DOCK1: variants seen among roughly 807,000 people sequenced by gnomAD.
DOCK1 encodes the protein dedicator of cytokinesis protein 1.
Under a neutral mutation model 262.7 loss-of-function variants are expected in DOCK1, and 138 were observed. The observed-to-expected ratio is 0.53, with a 90% CI of 0.46 to 0.61. DOCK1 has a LOEUF of 0.61. Ranked by LOEUF, DOCK1 falls within the 20% of genes least tolerant of loss-of-function variation. The pLI is 0.00. For missense variants in DOCK1, 1,908 were observed against 2,370.7 expected (o/e 0.80, Z 4.05); for synonymous variants, 866 against 867.4 (o/e 1.00, Z 0.03).
intron 4 of DOCK1, among the ~76,000 whole-genome samples, chr10:126,985,901 A>G (rs2039346414): frequency 6.6e-6 from 1 of 151,940 alleles, no homozygotes; most frequent in Non-Finnish European, 1.5e-5. Context: ...CTGGAGTGCA[A>G]TGGTACAATC....
At position 127,016,929 on chromosome 10, in the gene DOCK1, A is replaced by AC. The variant is rs2041964145; in HGVS notation, c.1202-1780dup. On this transcript the variant is annotated intron_variant, in intron 12 of 51. Coordinates refer to ENST00000623213, the MANE Select transcript of DOCK1 (RefSeq NM_001290223.2). Reference sequence around the variant, plus strand: ...AACACAGATACACCACACACCACACACACACACACACCACAGACACACAGA... The same window carrying AC: ...AACACAGATACACCACACACCACACACCACACACACACCACAGACACACAGA... 2.7e-5 allele frequency among the ~76,000 whole-genome samples: 4 copies of AC among 149,058 alleles called. No homozygotes were observed. In the South Asian group the frequency reaches 6.5e-4, roughly 24 times the overall value.
chr10:127,252,554 A>C (rs1263862895), intron 28 of DOCK1, among the ~76,000 whole-genome samples: 1 of 148,492 alleles, frequency 6.7e-6, no homozygotes, highest in South Asian at 2.3e-4. Context: ...ATCTTGAATT[A>C]ATTTTTGTAT....
intron 1 of DOCK1, among the ~76,000 whole-genome samples, chr10:126,921,631 TGA>T (rs111287513): frequency 1.7e-4 from 26 of 150,960 alleles, no homozygotes; most frequent in Non-Finnish European, 3.1e-4. Flanking sequence ...TGAGGACGGG[TGA>T]GAGAGAGAGA....
chr10:127,044,992 T>G (rs1181991176), intron 21 of DOCK1, among the ~76,000 whole-genome samples: 1 of 151,256 alleles, frequency 6.6e-6, no homozygotes, highest in Non-Finnish European at 1.5e-5. Context: ...AGGCCAGGAG[T>G]TGGAGACCAG....
intron 23 of DOCK1, among the ~76,000 whole-genome samples, chr10:127,066,843 A>G (rs2045909530): frequency 6.6e-6 from 1 of 152,238 alleles, no homozygotes; most frequent in Admixed American, 6.5e-5. Flanking sequence ...AGAGACCTTA[A>G]TTAACCTACC....
At chr10:127,301,323 C>T (rs571466700) in intron 29 of DOCK1, among the ~76,000 whole-genome samples, 2 of 152,312 alleles carry the variant, frequency 1.3e-5, no homozygotes, top group South Asian at 2.1e-4. Flanking sequence ...AGCACTTTTA[C>T]AAGTCAGGCT....
intron 23 of DOCK1, among the ~76,000 whole-genome samples, chr10:127,066,767 T>G (rs572618454): frequency 6.6e-6 from 1 of 152,232 alleles, no homozygotes; most frequent in Non-Finnish European, 1.5e-5. Flanking sequence ...CTCAACTGAT[T>G]TAGTCTTTAC....
intron 25 of DOCK1, among the ~76,000 whole-genome samples, chr10:127,120,581 GA>G (rs1209777457): frequency 1.3e-5 from 2 of 152,024 alleles, no homozygotes; most frequent in Non-Finnish European, 2.9e-5. Flanking sequence ...TCTCTGTTTG[GA>G]TGTGAAATTT....
At chr10:126,968,849 T>C (rs1313900180) in intron 1 of DOCK1, among the ~76,000 whole-genome samples, 1 of 152,190 alleles carries the variant, frequency 6.6e-6, no homozygotes, top group East Asian at 1.9e-4. Flanking sequence ...AAATGCCAAA[T>C]AAACTTAATA....
At chr10:127,063,166 T>A (rs1265636648) in intron 23 of DOCK1, among the ~76,000 whole-genome samples, 1 of 152,240 alleles carries the variant, frequency 6.6e-6, no homozygotes, top group Non-Finnish European at 1.5e-5. Flanking sequence ...AGCTTACATC[T>A]TTCACTCGAC....
intron 29 of DOCK1, among the ~76,000 whole-genome samples, chr10:127,283,317 G>A (rs182020455): frequency 3.3e-5 from 5 of 152,370 alleles, no homozygotes; most frequent in Non-Finnish European, 5.9e-5. Flanking sequence ...TGCATAGCCA[G>A]GCAAGCCAGT....
At position 127,257,247 on chromosome 10, in the gene DOCK1, G is replaced by A. The variant is rs951539612; in HGVS notation, c.2950-88G>A. ...GATGTGTTCATTCAGCCTTTAAAATGGGGTATTTTATAATCTAATTGACAG... is the reference window on the plus strand; with the variant it reads ...GATGTGTTCATTCAGCCTTTAAAATAGGGTATTTTATAATCTAATTGACAG... On this transcript the variant is annotated intron_variant, in intron 28 of 51. Coordinates refer to ENST00000623213, the MANE Select transcript of DOCK1 (RefSeq NM_001290223.2). The A allele has an allele frequency of 1.3e-5, 14 of 1,039,950 alleles. No individual in the cohort carries two copies. In the African/African-American group the frequency reaches 1.9e-4, roughly 14 times the overall value. The allele number at this position is 1,039,950 out of a possible 1,614,324, so 64.4% of individuals were successfully genotyped here. A position where few individuals can be genotyped will look rare whatever the true frequency, so the allele number is the denominator to read the frequency against.
chr10:127,397,141 G>T (rs2066918771), intron 38 of DOCK1, among the ~76,000 whole-genome samples: 1 of 142,584 alleles, frequency 7.0e-6, no homozygotes, highest in Non-Finnish European at 1.5e-5. Flanking sequence ...CTGAGCATCA[G>T]TTACACGGGC....
intron 31 of DOCK1, among the ~76,000 whole-genome samples, chr10:127,354,291 C>G (rs1034999903): frequency 6.6e-6 from 1 of 152,180 alleles, no homozygotes; most frequent in Non-Finnish European, 1.5e-5. Context: ...TGGAAAGCAA[C>G]CTGTTGTGTG....
At chr10:127,036,031 T>TAAATA (rs1554870826) in intron 18 of DOCK1, among the ~76,000 whole-genome samples, 4 of 148,808 alleles carry the variant, frequency 2.7e-5, no homozygotes, top group African/African-American at 1.0e-4. Flanking sequence ...AATAAATAAA[T>TAAATA]AAATAAATAA....
At chr10:127,324,777 A>T (rs1284392567) in intron 29 of DOCK1, among the ~76,000 whole-genome samples, 1 of 152,238 alleles carries the variant, frequency 6.6e-6, no homozygotes, top group Non-Finnish European at 1.5e-5. Flanking sequence ...CAATCAGTGC[A>T]TACTGTCTGT....
chr10:127,131,570 G>C (rs745897821), intron 27 of DOCK1, among the ~76,000 whole-genome samples: 8 of 152,144 alleles, frequency 5.3e-5, no homozygotes, highest in Non-Finnish European at 8.8e-5. Context: ...CCCCCTCTCT[G>C]GAGTCAACAG....
chr10:126,996,077 T>C (rs1424326395), intron 6 of DOCK1, among the ~76,000 whole-genome samples: 2 of 152,140 alleles, frequency 1.3e-5, no homozygotes, highest in African/African-American at 4.8e-5. Context: ...TGTGTGTGTG[T>C]GTACATATGT....
intron 27 of DOCK1, among the ~76,000 whole-genome samples, chr10:127,238,211 T>A (rs923892028): frequency 6.6e-6 from 1 of 152,194 alleles, no homozygotes; most frequent in Non-Finnish European, 1.5e-5. Context: ...CCATTTGTCT[T>A]GTCAAATGCT....
Sources: allele counts gnomAD v4.1 joint callset (sites outside exome capture counted in the v4.1 genomes callset), GRCh38; gene constraint gnomAD v4.1.1; transcripts MANE v1.5; gene names NCBI Gene and HGNC (gene_info 2026-07-23, HGNC 2026-07-21).